KIF2A: variants seen among roughly 807,000 people sequenced by gnomAD.
The protein encoded by KIF2A is kinesin-like protein KIF2A.
A neutral mutation model predicts 100.2 loss-of-function variants in KIF2A; 22 were observed. The ratio of observed to expected loss-of-function variants is 0.22; its 90% CI spans 0.16 to 0.31. The LOEUF is 0.31. KIF2A is among the 10% of genes least tolerant of loss of function. KIF2A has a pLI of 1.00. For synonymous variants in KIF2A, 268 were observed against 285.9 expected (o/e 0.94, Z 0.63); for missense variants, 495 against 898.7 (o/e 0.55, Z 5.74).
intron 1 of KIF2A, among the ~76,000 whole-genome samples, chr5:62,330,790 A>G (rs1187062098): frequency 6.6e-6 from 1 of 152,204 alleles, no homozygotes; most frequent in Non-Finnish European, 1.5e-5. Flanking sequence ...GGTTTTATCA[A>G]GAATAGACAC....
Position 62,315,190 on chromosome 5 carries a change from G to A in KIF2A, c.64+8654G>A, listed in dbSNP as rs182863302. Among the ~76,000 whole-genome samples, 149 of 149,620 alleles carry A rather than the reference G, an allele frequency of 1.0e-3. 1 individual carries two copies. The highest frequency in any genetic ancestry group is 2.8e-3 in the Admixed American group (41 of 14,884). On this transcript the variant is annotated intron_variant, in intron 1 of 20. Transcript: ENST00000407818. ...TGGATTAAAGAATGCTCAGCCTGTGGTGGTTTATAACTCTGGCTGCTCAAT... is the reference window on the plus strand; with the variant it reads ...TGGATTAAAGAATGCTCAGCCTGTGATGGTTTATAACTCTGGCTGCTCAAT...
chr5:62,358,105 T>G, intron 8 of KIF2A, 32 bp from the exon 9 acceptor site: 1 of 1,467,670 alleles, frequency 6.8e-7, no homozygotes, highest in Non-Finnish European at 9.1e-7. Flanking sequence ...CTGTGAAAAT[T>G]ATTGGGCATT....
chr5:62,340,823 T>G (rs1747257532), intron 1 of KIF2A, among the ~76,000 whole-genome samples: 1 of 152,100 alleles, frequency 6.6e-6, no homozygotes, highest in Non-Finnish European at 1.5e-5. Context: ...AAATTATAAA[T>G]TTGTATTATA....
At chr5:62,381,340 C>G in intron 20 of KIF2A, 87 bp downstream of exon 20, 1 of 1,074,750 alleles carries the variant, frequency 9.3e-7, no homozygotes, top group Non-Finnish European at 1.4e-6. Context: ...TGCAAGAGGA[C>G]ATACGAAGTG....
chr5:62,373,353 CAGT>C (rs1181787102), intron 17 of KIF2A, among the ~76,000 whole-genome samples: 2 of 151,580 alleles, frequency 1.3e-5, no homozygotes, highest in African/African-American at 4.8e-5. Context: ...TTTGATGAGC[CAGT>C]AGTAAATAAA....
rs1580116055 is a variant in KIF2A at position 62,388,599 on chromosome 5, G to A, written c.*3030G>A. On this transcript the variant is annotated 3_prime_UTR_variant, in exon 21 of 21. Coordinates refer to ENST00000407818, the MANE Select transcript of KIF2A (RefSeq NM_001098511.3). Reference sequence around the variant, plus strand: ...ACGGGGAATGTGAATAACACGAAATGGTATGGGGAATGTGTGACTAGTGAA... The same window carrying A: ...ACGGGGAATGTGAATAACACGAAATAGTATGGGGAATGTGTGACTAGTGAA... The A allele has an allele frequency of 6.0e-6, 1 of 165,888 alleles. No individual in the cohort carries two copies. The highest frequency in any genetic ancestry group is 1.8e-4 in the East Asian group (1 of 5,560). 10.3% of individuals were successfully genotyped at this position (165,888 alleles called of 1,614,324 possible). A position where few individuals can be genotyped will look rare whatever the true frequency, so the allele number is the denominator to read the frequency against.
At chr5:62,315,691 G>GGTA (rs1272479421) in intron 1 of KIF2A, among the ~76,000 whole-genome samples, 18 of 152,228 alleles carry the variant, frequency 1.2e-4, no homozygotes, top group Non-Finnish European at 1.2e-4. Context: ...CCTGGAAACA[G>GGTA]AGGTAAGGTA....
rs556389938 is a variant in KIF2A at position 62,364,826 on chromosome 5, G to A, written c.1468-417G>A. ...TTTAAAACTGTTGGCCAGGCGCAGT[G>A]GCTCACGTCTGTAATCCCAGCACTT... is the stretch of plus-strand genomic sequence containing the variant. On this transcript the variant is annotated intron_variant, in intron 14 of 20. Transcript: ENST00000407818. Among the ~76,000 whole-genome samples the A allele has an allele frequency of 6.5e-4, 99 of 152,326 alleles. 1 individual carries two copies. Among genetic ancestry groups the A allele is most frequent in the African/African-American group, 1.9e-3 (78 of 41,576 alleles).
rs140032849 is a variant in KIF2A at position 62,385,365 on chromosome 5, G to A, written c.2150-119G>A. Reference sequence around the variant, plus strand: ...AGTTTCTAGACAACAAAGAACAAAAGGAAAAATACTGAGTTACTGTTAGGA... The same window carrying A: ...AGTTTCTAGACAACAAAGAACAAAAAGAAAAATACTGAGTTACTGTTAGGA... On this transcript the variant is annotated intron_variant, in intron 20 of 20. Coordinates refer to ENST00000407818, the MANE Select transcript of KIF2A (RefSeq NM_001098511.3). 3.0e-3 allele frequency: 1,995 copies of A among 658,442 alleles called. 6 individuals carry two copies. Among genetic ancestry groups the A allele is most frequent in the Middle Eastern group, 8.0e-3 (29 of 3,642 alleles). The allele number at this position is 658,442 out of a possible 1,614,324, so 40.8% of individuals were successfully genotyped here. A position where few individuals can be genotyped will look rare whatever the true frequency, so the allele number is the denominator to read the frequency against.
At chr5:62,338,477 T>A (rs914190609) in intron 1 of KIF2A, among the ~76,000 whole-genome samples, 5 of 151,924 alleles carry the variant, frequency 3.3e-5, no homozygotes, top group African/African-American at 1.2e-4. Flanking sequence ...TTTAGTAGAG[T>A]TAGAGTTCCA....
At chr5:62,317,271 CTCCTGGCCTCAGGTCATCCGCCTG>C in intron 1 of KIF2A, among the ~76,000 whole-genome samples, 1 of 152,318 alleles carries the variant, frequency 6.6e-6, no homozygotes, top group South Asian at 2.1e-4. Flanking sequence ...TGGTTTCGAA[CTCCTGGCCTCAGGTCATCCGCCTG>C]TCTTGGCCTC....
chr5:62,356,489 A>T (rs1748112652), intron 7 of KIF2A, among the ~76,000 whole-genome samples: 1 of 152,240 alleles, frequency 6.6e-6, no homozygotes, highest in East Asian at 1.9e-4. Context: ...AGCAGGTAGT[A>T]GCTAAATTAG....
intron 20 of KIF2A, among the ~76,000 whole-genome samples, chr5:62,383,392 G>A (rs897136138): frequency 1.3e-5 from 2 of 151,760 alleles, no homozygotes; most frequent in Middle Eastern, 3.4e-3. Context: ...ACAGGCGCCC[G>A]CCACCACGCC....
At chr5:62,379,378 T>C (rs1741681498) in intron 19 of KIF2A, among the ~76,000 whole-genome samples, 2 of 151,140 alleles carry the variant, frequency 1.3e-5, no homozygotes, top group African/African-American at 4.9e-5. Flanking sequence ...AATTGGAGTG[T>C]ATGACCAGGC....
intron 1 of KIF2A, among the ~76,000 whole-genome samples, chr5:62,320,047 CTCTA>C (rs1313133713): frequency 2.0e-5 from 3 of 152,074 alleles, no homozygotes; most frequent in African/African-American, 7.2e-5. Flanking sequence ...GCTTATATAT[CTCTA>C]TCTACATGTA....
rs563143517 is a variant in KIF2A at position 62,376,036 on chromosome 5, G to A, written c.1912-1625G>A. On this transcript the variant is annotated intron_variant, in intron 18 of 20. Transcript: ENST00000407818. ...TTTTAGACTCTTTAAAGTAAACCCT[G>A]CATTGCATCTAGATATGTTACCTCC... Among the ~76,000 whole-genome samples, 4 of 152,310 alleles carry A rather than the reference G, an allele frequency of 2.6e-5. No homozygotes were observed. The South Asian group carries it at 6.2e-4, about 24-fold the overall frequency.
At chr5:62,318,760 T>C (rs1745958409) in intron 1 of KIF2A, among the ~76,000 whole-genome samples, 1 of 152,206 alleles carries the variant, frequency 6.6e-6, no homozygotes, top group South Asian at 2.1e-4. Flanking sequence ...GTATTCTCTT[T>C]CTGGGTAAAC....
intron 1 of KIF2A, among the ~76,000 whole-genome samples, chr5:62,313,281 A>G (rs777315835): frequency 6.6e-6 from 1 of 152,164 alleles, no homozygotes; most frequent in East Asian, 1.9e-4. Flanking sequence ...TGGAAAATAC[A>G]TGTCATATAT....
At chr5:62,382,714 A>G (rs534440766) in intron 20 of KIF2A, among the ~76,000 whole-genome samples, 32 of 149,986 alleles carry the variant, frequency 2.1e-4, no homozygotes, top group Admixed American at 1.6e-3. Flanking sequence ...GCTCAATGCA[A>G]CCTCTACCTC....
Sources: gnomAD v4.1 joint callset for allele counts (sites outside exome capture counted in the v4.1 genomes callset) on GRCh38, gnomAD v4.1.1 for gene constraint, MANE v1.5 for transcripts, NCBI Gene and HGNC (gene_info 2026-07-23, HGNC 2026-07-21) for gene names.